The following ZNF391 variants were observed in gnomAD, a reference collection of about 807,000 sequenced individuals.
ZNF391 encodes zinc finger protein 391.
For missense variants in ZNF391, 375 were observed against 425.5 expected (o/e 0.88, Z 1.04); for synonymous variants, 126 against 142.1 (o/e 0.89, Z 0.80).
chr6:27,379,121 C>G (rs1274459752), intron 1 of ZNF391, among the ~76,000 whole-genome samples: 1 of 152,170 alleles, frequency 6.6e-6, no homozygotes, highest in East Asian at 1.9e-4. Context: ...TACAGCTGTG[C>G]TAAAACTACA....
intron 1 of ZNF391, among the ~76,000 whole-genome samples, chr6:27,392,737 A>C (rs1405736016): frequency 6.6e-6 from 1 of 152,256 alleles, no homozygotes; most frequent in Non-Finnish European, 1.5e-5. Context: ...CGCTAAACAG[A>C]AAGTGTGATT....
intron 1 of ZNF391, among the ~76,000 whole-genome samples, chr6:27,391,395 A>G (rs1376727103): frequency 6.6e-6 from 1 of 151,700 alleles, no homozygotes; most frequent in Admixed American, 6.6e-5. Context: ...TTTAGTTGAG[A>G]CAGGGTTTCC....
At chr6:27,395,593 A>G (rs1761808100) in intron 1 of ZNF391, among the ~76,000 whole-genome samples, 1 of 152,170 alleles carries the variant, frequency 6.6e-6, no homozygotes, top group Admixed American at 6.5e-5. Context: ...GTATATACAC[A>G]TTAGTTGATT....
At chr6:27,398,862 A>C (rs1383249724) in intron 1 of ZNF391, among the ~76,000 whole-genome samples, 1 of 150,266 alleles carries the variant, frequency 6.7e-6, no homozygotes. Context: ...CCATCTCAAA[A>C]AAAACAAAAC....
Position 27,374,709 on chromosome 6 carries a change from C to T in ZNF391, n.95C>T, listed in dbSNP as rs1023184032. 1.3e-5 allele frequency: 2 copies of T among 152,146 alleles called. No individual in the cohort carries two copies. Among genetic ancestry groups the T allele is most frequent in the African/African-American group, 4.8e-5 (2 of 41,452 alleles). The allele number at this position is 152,146 out of a possible 1,614,324, so 9.4% of individuals were successfully genotyped here. A position where few individuals can be genotyped will look rare whatever the true frequency, so the allele number is the denominator to read the frequency against. ...CTCTCGGAGAGTTCGCCTCGTCCCT[C>T]CCTCTCAGATAACCACCTATTTCTG... On this transcript the variant is annotated non_coding_transcript_exon_variant, in exon 1 of 3. Coordinates refer to the ZNF391 transcript ENST00000477999. This position sits in a 1 kb window ranked among gnomAD's most constrained non-coding sequence, Gnocchi z 5.3.
intron 1 of ZNF391, among the ~76,000 whole-genome samples, chr6:27,398,609 A>G (rs2113659856): frequency 6.6e-6 from 1 of 152,330 alleles, no homozygotes; most frequent in East Asian, 1.9e-4. Flanking sequence ...CTGTAATCCC[A>G]GCACTTTGGG....
At position 27,401,724 on chromosome 6, in the gene ZNF391, A is replaced by T; in HGVS notation, c.*277A>T. ...TCACAATAAAACAAAGGGATGACTCAAAAAACATAACATATGAAATCTAAT... is the reference window on the plus strand; with the variant it reads ...TCACAATAAAACAAAGGGATGACTCTAAAAACATAACATATGAAATCTAAT... On this transcript the variant is annotated 3_prime_UTR_variant, in exon 3 of 3. Coordinates refer to ENST00000244576, the MANE Select transcript of ZNF391 (RefSeq NM_001076781.3). 3.7e-6 allele frequency: 1 copy of T among 273,352 alleles called. No homozygotes were observed. The highest frequency in any genetic ancestry group is 4.7e-5 in the Admixed American group (1 of 21,278). The allele number at this position is 273,352 out of a possible 1,614,324, so 16.9% of individuals were successfully genotyped here. A position where few individuals can be genotyped will look rare whatever the true frequency, so the allele number is the denominator to read the frequency against.
intron 1 of ZNF391, among the ~76,000 whole-genome samples, chr6:27,382,674 G>A (rs9468094): frequency 0.029 from 4,380 of 152,234 alleles, 70 homozygotes; most frequent in Non-Finnish European, 0.032. Flanking sequence ...TGTTAGCACA[G>A]AGATATAAAT....
upstream of ZNF391, among the ~76,000 whole-genome samples, chr6:27,386,382 T>C (rs528623290): frequency 6.6e-6 from 1 of 152,276 alleles, no homozygotes; most frequent in South Asian, 2.1e-4. Context: ...TCAACATTTG[T>C]TTGCAGAAAT....
chr6:27,396,151 A>G (rs1186470208), intron 1 of ZNF391, among the ~76,000 whole-genome samples: 1 of 152,232 alleles, frequency 6.6e-6, no homozygotes, highest in Non-Finnish European at 1.5e-5. Context: ...TAAAATTCAT[A>G]GATAATACTA....
In ZNF391 at chr6:27,376,802, G is replaced by A. The variant is rs1761425377; in HGVS notation, n.523+1665G>A. Among the ~76,000 whole-genome samples the A allele has an allele frequency of 6.6e-6, 1 of 152,050 alleles. No homozygotes were observed. The highest frequency in any genetic ancestry group is 1.5e-5 in the Non-Finnish European group (1 of 68,012). On this transcript the variant is annotated intron_variant and non_coding_transcript_variant, in intron 1 of 2. Coordinates refer to the ZNF391 transcript ENST00000477999. The surrounding 1 kb of genome is among the most constrained non-coding windows in gnomAD (Gnocchi z 4.7). ...CAGGAGGTGGAGGTTGCAGTGAGCC[G>A]AGATTGCGCCACTGCACTCCAGCCT...
chr6:27,400,837 A>G lies in ZNF391; in HGVS notation c.467A>G (p.Gln156Arg). 6.2e-7 allele frequency: 1 copy of G among 1,614,240 alleles called. No individual in the cohort carries two copies. The highest frequency in any genetic ancestry group is 8.5e-7 in the Non-Finnish European group (1 of 1,180,046). Residue 156 changes from glutamine (Q) to arginine (R), a missense_variant, in exon 3 of 3, where the codon CAA becomes CGA. Physicochemically the swap from Gln to Arg is conservative, Grantham distance 43. Coordinates refer to ENST00000244576, the MANE Select transcript of ZNF391 (RefSeq NM_001076781.3). Reference protein sequence around the residue: ...FSRSTHLIEHQRTHTGEKPYE... With the variant: ...FSRSTHLIEHRRTHTGEKPYE... ...CGAAGTACACACCTTATTGAACATC[A>G]AAGAACTCACACTGGAGAGAAACCT...
intron 1 of ZNF391, among the ~76,000 whole-genome samples, chr6:27,378,291 C>G (rs192994059): frequency 1.3e-4 from 20 of 152,256 alleles, no homozygotes; most frequent in Admixed American, 1.3e-3. Context: ...ACTAAACAGG[C>G]TTTGTGTGAG....
chr6:27,393,889 C>T (rs1002554682), intron 1 of ZNF391, among the ~76,000 whole-genome samples: 3 of 152,172 alleles, frequency 2.0e-5, no homozygotes, highest in African/African-American at 7.2e-5. Context: ...TGGAAGTTTG[C>T]ACTTCAGAGT....
upstream of ZNF391, among the ~76,000 whole-genome samples, chr6:27,387,702 A>G (rs1479594435): frequency 6.6e-6 from 1 of 152,214 alleles, no homozygotes; most frequent in East Asian, 1.9e-4. Context: ...ATAGAAACAT[A>G]GTGTAAAATA....
At chr6:27,397,489 A>C (rs1011639165) in intron 1 of ZNF391, among the ~76,000 whole-genome samples, 5 of 152,182 alleles carry the variant, frequency 3.3e-5, no homozygotes, top group African/African-American at 9.7e-5. Context: ...TTTCAGCATG[A>C]GATTTGGAGG....
In ZNF391 at chr6:27,381,255, C is replaced by T. The variant is rs1010137621; in HGVS notation, n.523+6118C>T. On this transcript the variant is annotated intron_variant and non_coding_transcript_variant, in intron 1 of 2. Coordinates refer to the ZNF391 transcript ENST00000477999. ...CCCGGCGAGAAATCGAGCGCAGCGCCGGTGGGCTAGCACTGCTGGGGGACC... is the reference window on the plus strand; with the variant it reads ...CCCGGCGAGAAATCGAGCGCAGCGCTGGTGGGCTAGCACTGCTGGGGGACC... Among the ~76,000 whole-genome samples, 11 of 152,332 alleles carry T rather than the reference C, an allele frequency of 7.2e-5. No homozygotes were observed. In the East Asian group the frequency reaches 9.7e-4, roughly 13 times the overall value.
At chr6:27,380,314 G>C (rs551032125) in intron 1 of ZNF391, among the ~76,000 whole-genome samples, 2 of 152,320 alleles carry the variant, frequency 1.3e-5, no homozygotes, top group African/African-American at 4.8e-5. Flanking sequence ...CCTCCTTCTA[G>C]TGGGTGCATA....
intron 1 of ZNF391, among the ~76,000 whole-genome samples, chr6:27,397,688 G>T (rs138401175): frequency 6.6e-6 from 1 of 152,076 alleles, no homozygotes. Flanking sequence ...GGAGTGCAGC[G>T]GTGCGATCTC....
Sources: gnomAD v4.1 joint callset for allele counts (sites outside exome capture counted in the v4.1 genomes callset) on GRCh38, gnomAD v4.1.1 for gene constraint, Gnocchi (gnomAD v3.1) non-coding constraint, MANE v1.5 for transcripts, NCBI Gene and HGNC (gene_info 2026-07-23, HGNC 2026-07-21) for gene names.